COL24A1: variants seen among roughly 807,000 people sequenced by gnomAD.
The protein encoded by COL24A1 is collagen alpha-1(XXIV) chain.
Under a neutral mutation model 253.9 loss-of-function variants are expected in COL24A1, and 224 were observed. The observed-to-expected ratio is 0.88, with a 90% CI of 0.79 to 0.99. The LOEUF (loss-of-function observed/expected upper bound fraction) is 0.99. Among genes scored for constraint, COL24A1 ranks in the 50% least tolerant of loss-of-function variants. The probability of loss-of-function intolerance (pLI) is 0.00; values close to 1 mark genes in which losing one functional copy is unlikely to be tolerated. For missense variants in COL24A1, 2,131 were observed against 2,068.5 expected (o/e 1.03, Z -0.59); for synonymous variants, 685 against 673.7 (o/e 1.02, Z -0.26).
At position 86,156,400 on chromosome 1, in the gene COL24A1, T is replaced by C. The variant is rs779465451; in HGVS notation, c.-4A>G. 3.7e-6 allele frequency: 6 copies of C among 1,611,632 alleles called. No individual in the cohort carries two copies. The highest frequency in any genetic ancestry group is 2.2e-5 in the South Asian group (2 of 90,628). On this transcript the variant is annotated 5_prime_UTR_variant, in exon 1 of 60. The change creates a new upstream start codon in the 5' untranslated region. Coordinates refer to ENST00000370571, the MANE Select transcript of COL24A1 (RefSeq NM_152890.7). ...TTCTGTGGGCTCTTAAATGCATTTG[T>C]ATGCATTTGTCCGTGCAGCAAAGCG...
chr1:85,786,111 C>A (rs1479201832), intron 48 of COL24A1, among the ~76,000 whole-genome samples: 1 of 152,144 alleles, frequency 6.6e-6, no homozygotes, highest in African/African-American at 2.4e-5. Flanking sequence ...AAAGACATAG[C>A]ATTTTTTAAA....
Position 85,997,929 on chromosome 1 carries a change from G to C in COL24A1, c.2311-10275C>G, listed in dbSNP as rs140411046. Reference sequence around the variant, plus strand: ...GTTGCCAATGACCACTTTTTCTACAGTGTGTTCCTGTGAATGTAGCCAACA... The same window carrying C: ...GTTGCCAATGACCACTTTTTCTACACTGTGTTCCTGTGAATGTAGCCAACA... On this transcript the variant is annotated intron_variant, in intron 19 of 59. Transcript: ENST00000370571. Among the ~76,000 whole-genome samples the C allele has an allele frequency of 2.4e-3, 372 of 152,252 alleles. 1 individual carries two copies. The highest frequency in any genetic ancestry group is 4.3e-3 in the Non-Finnish European group (294 of 68,006).
chr1:86,148,665 C>T (rs1355148593), intron 1 of COL24A1, among the ~76,000 whole-genome samples: 3 of 152,144 alleles, frequency 2.0e-5, no homozygotes, highest in Admixed American at 1.3e-4. Flanking sequence ...CATGTCCCTA[C>T]AAAGGACATG....
At chr1:85,921,144 G>T (rs1686424269) in intron 24 of COL24A1, among the ~76,000 whole-genome samples, 1 of 152,178 alleles carries the variant, frequency 6.6e-6, no homozygotes, top group Non-Finnish European at 1.5e-5. Flanking sequence ...GCCTCACCTG[G>T]GAAGTGCAAG....
intron 19 of COL24A1, among the ~76,000 whole-genome samples, chr1:86,000,533 T>C (rs1558959427): frequency 6.6e-6 from 1 of 152,172 alleles, no homozygotes; most frequent in Non-Finnish European, 1.5e-5. Context: ...AAGTAAATTG[T>C]TTAGGCAAAG....
At chr1:86,145,282 G>A (rs1651719327) in intron 2 of COL24A1, among the ~76,000 whole-genome samples, 2 of 152,002 alleles carry the variant, frequency 1.3e-5, no homozygotes, top group Non-Finnish European at 1.5e-5. Context: ...TGAAAACTTG[G>A]TTCTGTAAGA....
intron 19 of COL24A1, among the ~76,000 whole-genome samples, chr1:85,988,351 A>T (rs1320841268): frequency 1.3e-5 from 2 of 152,066 alleles, no homozygotes; most frequent in Non-Finnish European, 2.9e-5. Flanking sequence ...TTATATTAGC[A>T]GTCTAAAATA....
At chr1:86,090,657 T>C (rs1703428729) in intron 6 of COL24A1, among the ~76,000 whole-genome samples, 1 of 152,196 alleles carries the variant, frequency 6.6e-6, no homozygotes, top group Non-Finnish European at 1.5e-5. Context: ...CTCAGTATAT[T>C]TGAATCCAAT....
At chr1:85,778,618 T>TA (rs1668840128) in intron 52 of COL24A1, among the ~76,000 whole-genome samples, 1 of 151,312 alleles carries the variant, frequency 6.6e-6, no homozygotes, top group Non-Finnish European at 1.5e-5. Flanking sequence ...TTTTTTTTTT[T>TA]TTTGAGATGG....
At chr1:86,022,175 T>C in intron 18 of COL24A1, 65 bp downstream of exon 18, 1 of 1,385,600 alleles carries the variant, frequency 7.2e-7, no homozygotes. Flanking sequence ...ATCAACAGTG[T>C]CGAGACTCAT....
chr1:85,944,472 A>C (rs1204304977), intron 24 of COL24A1, among the ~76,000 whole-genome samples: 1 of 152,190 alleles, frequency 6.6e-6, no homozygotes, highest in Admixed American at 6.5e-5. Context: ...TTTTTTAAAA[A>C]AATTTTAAAT....
At chr1:85,884,213 T>C (rs1275692995) in intron 32 of COL24A1, among the ~76,000 whole-genome samples, 2 of 152,134 alleles carry the variant, frequency 1.3e-5, no homozygotes, top group African/African-American at 2.4e-5. Flanking sequence ...CTTGTCTCTG[T>C]AGACTGTTTT....
chr1:85,922,766 G>C (rs1398757544), intron 24 of COL24A1, among the ~76,000 whole-genome samples: 2 of 152,068 alleles, frequency 1.3e-5, no homozygotes, highest in Non-Finnish European at 2.9e-5. Flanking sequence ...CAACTAACGG[G>C]CAAAATAACC....
chr1:86,141,919 G>A (rs1036390410), intron 2 of COL24A1, among the ~76,000 whole-genome samples: 2 of 151,772 alleles, frequency 1.3e-5, no homozygotes, highest in South Asian at 2.1e-4. Context: ...GGCCAGGCTC[G>A]AACTCCTGAC....
At chr1:85,850,778 A>G (rs1677668155) in intron 37 of COL24A1, among the ~76,000 whole-genome samples, 1 of 152,158 alleles carries the variant, frequency 6.6e-6, no homozygotes, top group Admixed American at 6.5e-5. Context: ...TCAAAGACTA[A>G]GAGCAAATAA....
chr1:86,047,701 T>A (rs971456391), intron 11 of COL24A1, among the ~76,000 whole-genome samples: 2 of 151,998 alleles, frequency 1.3e-5, no homozygotes, highest in Non-Finnish European at 2.9e-5. Flanking sequence ...TTTATTAAAA[T>A]TTTTTATATA....
chr1:86,156,448 T>A lies in COL24A1; in HGVS notation c.-52A>T, dbSNP rs1326668028. On this transcript the variant is annotated 5_prime_UTR_variant, in exon 1 of 60. Coordinates refer to ENST00000370571, the MANE Select transcript of COL24A1 (RefSeq NM_152890.7). ...GCGCTAACGGAAAACAGAAGCCAAC[T>A]CTGAACTGCTTAGGGTGCAGGTACT... 2 of 1,565,314 alleles carry A rather than the reference T, an allele frequency of 1.3e-6. No homozygotes were observed. Among genetic ancestry groups the A allele is most frequent in the East Asian group, 2.3e-5 (1 of 43,752 alleles).
intron 24 of COL24A1, among the ~76,000 whole-genome samples, chr1:85,958,299 G>A (rs1270817745): frequency 6.6e-6 from 1 of 151,730 alleles, no homozygotes; most frequent in African/African-American, 2.4e-5. Context: ...CTACTTATAT[G>A]TCATTTCCTC....
chr1:85,920,248 G>T (rs1483019135), intron 24 of COL24A1, among the ~76,000 whole-genome samples: 1 of 152,152 alleles, frequency 6.6e-6, no homozygotes, highest in East Asian at 1.9e-4. Flanking sequence ...CATGAGAAAA[G>T]ACTTTACAGA....
Sources: allele counts gnomAD v4.1 joint callset (sites outside exome capture counted in the v4.1 genomes callset), GRCh38; gene constraint gnomAD v4.1.1; transcripts MANE v1.5; gene names NCBI Gene and HGNC (gene_info 2026-07-23, HGNC 2026-07-21).